AGMO: variants seen among roughly 807,000 people sequenced by gnomAD.
AGMO encodes glyceryl-ether monooxygenase.
In AGMO, 75 loss-of-function variants were observed where a neutral mutation model predicts 60.2. The ratio of observed to expected loss-of-function variants is 1.25; its 90% CI spans 1.03 to 1.51. The LOEUF (loss-of-function observed/expected upper bound fraction) is 1.51. Among genes scored for constraint, AGMO ranks in the 40% most tolerant of loss-of-function variants. The pLI is 0.00. For synonymous variants in AGMO, 261 were observed against 177.1 expected (o/e 1.47, Z -3.76); for missense variants, 763 against 525.5 (o/e 1.45, Z -4.42).
intron 12 of AGMO, among the ~76,000 whole-genome samples, chr7:15,310,408 T>G (rs566716797): frequency 5.3e-5 from 8 of 152,286 alleles, no homozygotes; most frequent in Non-Finnish European, 1.0e-4. Context: ...ATATTTGGTT[T>G]CCATTTGGAA....
intron 3 of AGMO, among the ~76,000 whole-genome samples, chr7:15,439,632 G>C (rs997734044): frequency 6.6e-6 from 1 of 152,060 alleles, no homozygotes; most frequent in East Asian, 1.9e-4. Flanking sequence ...ATTGTTTCTG[G>C]CCTTACACCC....
At chr7:15,419,642 A>G (rs1780872026) in intron 4 of AGMO, among the ~76,000 whole-genome samples, 1 of 151,694 alleles carries the variant, frequency 6.6e-6, no homozygotes, top group Admixed American at 6.6e-5. Flanking sequence ...GAAACTTGTC[A>G]TAAAAATTTC....
At chr7:15,338,932 G>A (rs955093200) in intron 12 of AGMO, among the ~76,000 whole-genome samples, 1 of 152,300 alleles carries the variant, frequency 6.6e-6, no homozygotes, top group Admixed American at 6.5e-5. Flanking sequence ...TGGTTGGCAA[G>A]TGGGGAGCAG....
chr7:15,446,055 T>G (rs1781689843), intron 3 of AGMO, among the ~76,000 whole-genome samples: 2 of 152,196 alleles, frequency 1.3e-5, no homozygotes, highest in Non-Finnish European at 2.9e-5. Context: ...GAAGTGTTAT[T>G]TTCAAAACTA....
intron 12 of AGMO, among the ~76,000 whole-genome samples, chr7:15,354,341 C>CACACGTGTATATAG (rs1782380425): frequency 2.9e-5 from 1 of 34,062 alleles, no homozygotes; most frequent in Non-Finnish European, 5.9e-5. Context: ...CGTGTATATA[C>CACACGTGTATATAG]ACGCGTGTAT....
chr7:15,343,856 T>A (rs1054806741), intron 12 of AGMO, among the ~76,000 whole-genome samples: 1 of 152,176 alleles, frequency 6.6e-6, no homozygotes, highest in Non-Finnish European at 1.5e-5. Flanking sequence ...AAACTTGCCT[T>A]TCTTGTAGTA....
At chr7:15,477,966 A>T (rs17168781) in intron 3 of AGMO, among the ~76,000 whole-genome samples, 11,487 of 152,156 alleles carry the variant, frequency 0.075, 864 homozygotes, top group East Asian at 0.32. Context: ...CACTTTTCTT[A>T]CTTGTAGAGA....
At chr7:15,296,296 C>CA (rs780929959) in intron 12 of AGMO, among the ~76,000 whole-genome samples, 1 of 152,032 alleles carries the variant, frequency 6.6e-6, no homozygotes, top group Non-Finnish European at 1.5e-5. Flanking sequence ...TGTTATCCTA[C>CA]AAGCCCTAAG....
At chr7:15,400,031 T>C (rs1274072971) in intron 5 of AGMO, among the ~76,000 whole-genome samples, 1 of 152,200 alleles carries the variant, frequency 6.6e-6, no homozygotes, top group African/African-American at 2.4e-5. Flanking sequence ...TGAGAGATCA[T>C]TAATTCTCAT....
chr7:15,419,302 C>T (rs1357329902), intron 4 of AGMO, among the ~76,000 whole-genome samples: 4 of 151,942 alleles, frequency 2.6e-5, no homozygotes, highest in African/African-American at 9.7e-5. Context: ...GATTAAACCA[C>T]AGAACTGGTT....
rs1780866574 is a variant in AGMO, at chr7:15,419,383, G to C, written c.514-730C>G. 2.0e-5 allele frequency among the ~76,000 whole-genome samples: 3 copies of C among 151,978 alleles called. No individual in the cohort carries two copies. The South Asian group carries it at 6.2e-4, about 32-fold the overall frequency. ...GATCCCCAAGAGTGGTTTCATGCTGGAAAGAAACATTTTATTAAATGAGAG... is the reference window on the plus strand; with the variant it reads ...GATCCCCAAGAGTGGTTTCATGCTGCAAAGAAACATTTTATTAAATGAGAG... On this transcript the variant is annotated intron_variant, in intron 4 of 12. Coordinates refer to ENST00000342526, the MANE Select transcript of AGMO (RefSeq NM_001004320.2).
chr7:15,395,683 T>C (rs1164324260), intron 5 of AGMO, among the ~76,000 whole-genome samples: 1 of 151,642 alleles, frequency 6.6e-6, no homozygotes, highest in Admixed American at 6.6e-5. Flanking sequence ...TATAAATTTA[T>C]TGTTATTCTA....
chr7:15,436,395 C>A (rs1359756468), intron 3 of AGMO, among the ~76,000 whole-genome samples: 1 of 152,108 alleles, frequency 6.6e-6, no homozygotes, highest in African/African-American at 2.4e-5. Flanking sequence ...TGTATTTTCC[C>A]AAGGCAGAAA....
At chr7:15,388,324 T>C (rs7785347) in intron 8 of AGMO, among the ~76,000 whole-genome samples, 8,324 of 152,050 alleles carry the variant, frequency 0.055, 354 homozygotes, top group Middle Eastern at 0.086. Flanking sequence ...CAAGCTCTAA[T>C]TGGAAAAATT....
At chr7:15,476,581 G>A (rs1257842867) in intron 3 of AGMO, among the ~76,000 whole-genome samples, 3 of 151,982 alleles carry the variant, frequency 2.0e-5, no homozygotes, top group Non-Finnish European at 4.4e-5. Flanking sequence ...GGTGATAATT[G>A]TTTCTTTTTT....
intron 12 of AGMO, among the ~76,000 whole-genome samples, chr7:15,358,845 G>C (rs760624212): frequency 8.5e-5 from 13 of 152,078 alleles, no homozygotes; most frequent in Non-Finnish European, 1.6e-4. Flanking sequence ...TTTATTCCTT[G>C]AAGTATTGGG....
chr7:15,211,215 G>A (rs1781578882), intron 12 of AGMO, among the ~76,000 whole-genome samples: 1 of 151,914 alleles, frequency 6.6e-6, no homozygotes, highest in South Asian at 2.1e-4. Flanking sequence ...ATTGAGTATT[G>A]ACTTACTTTT....
chr7:15,379,886 G>A (rs73066516), intron 10 of AGMO, among the ~76,000 whole-genome samples: 28,500 of 151,950 alleles, frequency 0.19, 2,796 homozygotes, highest in African/African-American at 0.22. Flanking sequence ...GATTCATTAC[G>A]TTAACAGAAC....
At chr7:15,556,364 C>T (rs1379960659) in intron 2 of AGMO, among the ~76,000 whole-genome samples, 1 of 151,572 alleles carries the variant, frequency 6.6e-6, no homozygotes, top group Non-Finnish European at 1.5e-5. Flanking sequence ...GGCAGTGACC[C>T]ATATGTATTA....
Sources: allele counts gnomAD v4.1 joint callset (sites outside exome capture counted in the v4.1 genomes callset), GRCh38; gene constraint gnomAD v4.1.1; transcripts MANE v1.5; gene names NCBI Gene and HGNC (gene_info 2026-07-23, HGNC 2026-07-21).